RALY: variants seen among roughly 807,000 people sequenced by gnomAD.
RALY encodes the protein RALY heterogeneous nuclear ribonucleoprotein.
RALY carries 15 observed loss-of-function variants against 30.7 expected under a neutral mutation model. The observed-to-expected ratio is 0.49, with a 90% CI of 0.33 to 0.75. The LOEUF is 0.75. Ranked by LOEUF, RALY falls within the 30% of genes least tolerant of loss-of-function variation. The pLI, the probability that RALY is intolerant of heterozygous loss-of-function variation, is 0.02. For missense variants in RALY, 339 were observed against 414.3 expected (o/e 0.82, Z 1.58); for synonymous variants, 177 against 170.8 (o/e 1.04, Z -0.28).
At chr20:34,057,788 G>T (rs1025998710) in intron 2 of RALY, among the ~76,000 whole-genome samples, 1 of 152,160 alleles carries the variant, frequency 6.6e-6, no homozygotes, top group African/African-American at 2.4e-5. Flanking sequence ...ATGGAGAGAG[G>T]GGGGCTACAT....
intron 1 of RALY, among the ~76,000 whole-genome samples, chr20:34,004,806 T>C (rs532258939): frequency 3.3e-5 from 5 of 152,184 alleles, no homozygotes; most frequent in Non-Finnish European, 7.3e-5. Flanking sequence ...CCTAAAGAAC[T>C]TAGTCTCTCA....
At chr20:34,035,450 TAGAG>T (rs1399119140) in intron 2 of RALY, among the ~76,000 whole-genome samples, 1 of 152,144 alleles carries the variant, frequency 6.6e-6, no homozygotes, top group Non-Finnish European at 1.5e-5. Context: ...ACTTGAGAGT[TAGAG>T]AGGGACGTGT....
intron 1 of RALY, among the ~76,000 whole-genome samples, chr20:34,004,224 A>G (rs1220261467): frequency 1.3e-5 from 2 of 152,198 alleles, no homozygotes; most frequent in Admixed American, 6.5e-5. Flanking sequence ...TGGACCAGTG[A>G]GTATTTGTGC....
intron 2 of RALY, among the ~76,000 whole-genome samples, chr20:34,061,591 G>GA (rs2033418902): frequency 6.6e-6 from 1 of 152,172 alleles, no homozygotes; most frequent in African/African-American, 2.4e-5. Flanking sequence ...GTGACAGTGT[G>GA]AAAAATAACC....
intron 2 of RALY, among the ~76,000 whole-genome samples, chr20:34,034,542 G>A (rs1347123011): frequency 3.3e-5 from 5 of 152,072 alleles, no homozygotes; most frequent in East Asian, 3.9e-4. Context: ...ATGATTCCAC[G>A]TAAATAAGTG....
intron 1 of RALY, among the ~76,000 whole-genome samples, chr20:34,009,589 T>C (rs2031312224): frequency 6.6e-6 from 1 of 152,196 alleles, no homozygotes; most frequent in Admixed American, 6.5e-5. Context: ...GTCCATGCTT[T>C]AGAAGCTTGT....
intron 1 of RALY, among the ~76,000 whole-genome samples, chr20:34,027,766 C>CT (rs1411201347): frequency 6.6e-6 from 1 of 152,240 alleles, no homozygotes; most frequent in African/African-American, 2.4e-5. Flanking sequence ...TGTATGTACT[C>CT]TGTTATTCAG....
At chr20:34,076,546 G>A (rs1375509023) in intron 6 of RALY, 156 bp from the exon 7 acceptor site, 2 of 631,200 alleles carry the variant, frequency 3.2e-6, no homozygotes, top group African/African-American at 3.7e-5. Context: ...TGGACGCCAG[G>A]TAGTCTAAGG....
intron 1 of RALY, among the ~76,000 whole-genome samples, chr20:34,001,565 A>G (rs1309890681): frequency 6.6e-6 from 1 of 152,132 alleles, no homozygotes; most frequent in Non-Finnish European, 1.5e-5. Context: ...TGTTTATTTT[A>G]TTAAGGATTT....
In RALY at chr20:34,083,806, TAGAG is replaced by T. The variant is rs1001992149; in HGVS notation, c.*3903_*3906del. 6.6e-6 allele frequency: 1 copy of T among 152,148 alleles called. No homozygotes were observed. The highest frequency in any genetic ancestry group is 1.5e-5 in the Non-Finnish European group (1 of 68,036). The allele number at this position is 152,148 out of a possible 1,614,324, so 9.4% of individuals were successfully genotyped here. ...GGCCTGTCTGACAAGACCACAGAAA[TAGAG>T]AAGGCAAAGCAGAGCAAAAGATTCT... On this transcript the variant is annotated 3_prime_UTR_variant, in exon 10 of 10. Transcript: ENST00000246194.
chr20:34,024,309 A>G (rs891506695), intron 1 of RALY, among the ~76,000 whole-genome samples: 3 of 152,192 alleles, frequency 2.0e-5, no homozygotes, highest in African/African-American at 7.2e-5. Context: ...GGGAAGGGGA[A>G]CCATCCAACT....
chr20:34,005,035 T>C (rs749228351), intron 1 of RALY, among the ~76,000 whole-genome samples: 1 of 152,080 alleles, frequency 6.6e-6, no homozygotes, highest in African/African-American at 2.4e-5. Context: ...TTGGGGAAAA[T>C]AGGGTGGCCC....
intron 2 of RALY, among the ~76,000 whole-genome samples, chr20:34,070,397 A>C (rs1338892520): frequency 1.3e-5 from 2 of 152,186 alleles, no homozygotes; most frequent in Non-Finnish European, 2.9e-5. Flanking sequence ...GCCCAGCCGT[A>C]AACTGTACGG....
chr20:34,075,949 A>G lies in RALY; in HGVS notation c.453A>G (p.Thr151=), dbSNP rs150401074. The G allele has an allele frequency of 5.3e-5, 86 of 1,614,118 alleles. No individual in the cohort carries two copies. The highest frequency in any genetic ancestry group is 6.9e-5 in the Non-Finnish European group (81 of 1,180,050). The part of the protein sequence containing the change: ...RAVPVKRPRV[T]VPLVRRVKTN... ...TCCCTGTGAAGCGACCCCGGGTCAC[A>G]GTCCCTTTGGTCCGGCGTGTCAAAA... is the stretch of plus-strand genomic sequence containing the variant. Residue 151 remains threonine (T), a synonymous_variant, in exon 6 of 10, where the codon ACA becomes ACG. Coordinates refer to ENST00000246194, the MANE Select transcript of RALY (RefSeq NM_016732.3).
intron 2 of RALY, among the ~76,000 whole-genome samples, chr20:34,062,185 G>C (rs137996438): frequency 3.7e-4 from 57 of 152,246 alleles, no homozygotes; most frequent in African/African-American, 1.3e-3. Flanking sequence ...TAGCTAGATA[G>C]GCCTGGCATA....
At chr20:34,067,888 G>T (rs1411976076) in intron 2 of RALY, among the ~76,000 whole-genome samples, 1 of 145,590 alleles carries the variant, frequency 6.9e-6, no homozygotes, top group South Asian at 2.2e-4. Context: ...TCTCTTACCA[G>T]CCCCAAATGA....
intron 1 of RALY, among the ~76,000 whole-genome samples, chr20:34,025,249 CT>C (rs1469442739): frequency 6.6e-6 from 1 of 152,116 alleles, no homozygotes; most frequent in Admixed American, 6.5e-5. Context: ...CGCAGCTTCC[CT>C]TTCTCTTCCT....
At chr20:34,071,329 C>T (rs2033720638) in intron 2 of RALY, among the ~76,000 whole-genome samples, 1 of 151,708 alleles carries the variant, frequency 6.6e-6, no homozygotes, top group African/African-American at 2.4e-5. Context: ...GGCTCTGTCG[C>T]CCAGGCTGGA....
chr20:34,068,347 G>A (rs1160203553), intron 2 of RALY, among the ~76,000 whole-genome samples: 3 of 152,206 alleles, frequency 2.0e-5, no homozygotes, highest in Admixed American at 6.5e-5. Flanking sequence ...GAAAAGCATA[G>A]GAAGAATTGG....
Sources: allele counts gnomAD v4.1 joint callset (sites outside exome capture counted in the v4.1 genomes callset), GRCh38; gene constraint gnomAD v4.1.1; transcripts MANE v1.5; gene names NCBI Gene and HGNC (gene_info 2026-07-23, HGNC 2026-07-21).